MAGI3: variants seen among roughly 807,000 people sequenced by gnomAD.
The protein encoded by MAGI3 is membrane-associated guanylate kinase, WW and PDZ domain-containing protein 3.
MAGI3 carries 43 observed loss-of-function variants against 121.8 expected under a neutral mutation model. That is an observed-to-expected ratio of 0.35 (90% CI 0.28 to 0.46). The LOEUF is 0.46. MAGI3 is among the 20% of genes least tolerant of loss of function. The probability of loss-of-function intolerance (pLI) is 1.00; values close to 1 mark genes in which losing one functional copy is unlikely to be tolerated. For missense variants in MAGI3, 1,547 were observed against 1,797.3 expected (o/e 0.86, Z 2.52); for synonymous variants, 553 against 639.3 (o/e 0.86, Z 2.04).
intron 5 of MAGI3, 144 bp downstream of exon 5, chr1:113,590,802 C>A (rs1648653394): frequency 1.4e-6 from 1 of 725,550 alleles, no homozygotes; most frequent in East Asian, 2.8e-5. Context: ...ATAAAACTGA[C>A]AGTTGATTTT....
chr1:113,450,225 G>A, intron 1 of MAGI3: 2 of 1,594,274 alleles, frequency 1.3e-6, no homozygotes, highest in Admixed American at 3.3e-5. Flanking sequence ...ATTGTGAAGT[G>A]AAAAAGGCCC....
intron 1 of MAGI3, among the ~76,000 whole-genome samples, chr1:113,408,729 A>G (rs1287718547): frequency 6.6e-6 from 1 of 152,078 alleles, no homozygotes. Context: ...ATATCCTCCA[A>G]CAACTCTCTC....
At chr1:113,615,232 G>C (rs953735951) in intron 7 of MAGI3, among the ~76,000 whole-genome samples, 1 of 152,100 alleles carries the variant, frequency 6.6e-6, no homozygotes, top group Non-Finnish European at 1.5e-5. Context: ...ATGTTAGCCA[G>C]AGAAATTAAG....
rs990948691 is a variant in MAGI3, at chr1:113,616,200, G to T, written c.1076+1542G>T. Among the ~76,000 whole-genome samples the T allele has an allele frequency of 2.6e-5, 4 of 152,284 alleles. No individual in the cohort carries two copies. In the South Asian group the frequency reaches 8.3e-4, roughly 32 times the overall value. On this transcript the variant is annotated intron_variant, in intron 7 of 20. Transcript: ENST00000307546. Reference sequence around the variant, plus strand: ...CGACCTGCTCCTAGTTGTCAGGGAGGTACATGAAATAGCCTGAATTAGAAG... The same window carrying T: ...CGACCTGCTCCTAGTTGTCAGGGAGTTACATGAAATAGCCTGAATTAGAAG...
intron 10 of MAGI3, 101 bp from the exon 11 acceptor site, chr1:113,643,642 C>A: frequency 9.7e-7 from 1 of 1,031,530 alleles, no homozygotes; most frequent in Non-Finnish European, 1.5e-6. Flanking sequence ...AATTTACTAG[C>A]GTACTAAAAG....
chr1:113,436,811 CTTTTTT>C (rs1026496354), intron 1 of MAGI3, among the ~76,000 whole-genome samples: 1 of 124,130 alleles, frequency 8.1e-6, no homozygotes. Flanking sequence ...TAAAGACAGT[CTTTTTT>C]TTTTTTTTTT....
chr1:113,396,746 A>G (rs1396806815), intron 1 of MAGI3, among the ~76,000 whole-genome samples: 3 of 152,216 alleles, frequency 2.0e-5, no homozygotes, highest in African/African-American at 4.8e-5. Flanking sequence ...GCATGGAGCT[A>G]GCACTGGCGA....
At chr1:113,680,207 G>C (rs1024699745) in intron 19 of MAGI3, among the ~76,000 whole-genome samples, 1 of 152,172 alleles carries the variant, frequency 6.6e-6, no homozygotes, top group South Asian at 2.1e-4. Flanking sequence ...GCCAGGAAAG[G>C]CTTCAAAGAT....
At chr1:113,425,996 T>C (rs1652990843) in intron 1 of MAGI3, among the ~76,000 whole-genome samples, 2 of 152,202 alleles carry the variant, frequency 1.3e-5, no homozygotes, top group African/African-American at 4.8e-5. Flanking sequence ...TAATAACTTA[T>C]TGATTTGAAA....
intron 1 of MAGI3, among the ~76,000 whole-genome samples, chr1:113,485,699 C>T (rs542502217): frequency 5.3e-5 from 8 of 152,178 alleles, no homozygotes; most frequent in South Asian, 2.1e-4. Flanking sequence ...TTGTTTTTGT[C>T]GCATTTGCTT....
rs1399211745 is a variant in MAGI3 at position 113,683,234 on chromosome 1, TA to T, written c.3667del (p.Ser1223ValfsTer21). The stretch of plus-strand genomic sequence containing the variant: ...GTGTTACACGAAGAGGTAGATCGGT[TA>T]GTCCCAAAAAGCCAGCCAGTCAACA... ...NGVTRRGRSV[S>X]PKKPASQHSE... On this transcript the variant is annotated frameshift_variant, in exon 21 of 21. Coordinates refer to ENST00000307546, the MANE Select transcript of MAGI3 (RefSeq NM_001142782.2). LOFTEE classifies it low-confidence loss of function (END_TRUNC). The T allele has an allele frequency of 1.2e-6, 2 of 1,613,646 alleles. No homozygotes were observed. Among genetic ancestry groups the T allele is most frequent in the East Asian group, 4.5e-5 (2 of 44,890 alleles).
At chr1:113,536,361 C>A (rs1658997896) in intron 1 of MAGI3, among the ~76,000 whole-genome samples, 2 of 152,092 alleles carry the variant, frequency 1.3e-5, no homozygotes, top group South Asian at 4.1e-4. Context: ...ATCATCTCCT[C>A]CTCCCTTCCA....
chr1:113,596,208 T>C lies in MAGI3; in HGVS notation c.1018+1648T>C, dbSNP rs538202568. 5.3e-5 allele frequency among the ~76,000 whole-genome samples: 8 copies of C among 152,100 alleles called. No individual in the cohort carries two copies. In the South Asian group the frequency reaches 1.7e-3, roughly 32 times the overall value. ...TGGTATTGGCATAAGGATAGATAAATAGATCAGTGGAACAAAATAGAGAGT... is the reference window on the plus strand; with the variant it reads ...TGGTATTGGCATAAGGATAGATAAACAGATCAGTGGAACAAAATAGAGAGT... On this transcript the variant is annotated intron_variant, in intron 6 of 20. Transcript: ENST00000307546.
chr1:113,585,804 A>G (rs1019127638), intron 4 of MAGI3, among the ~76,000 whole-genome samples: 1 of 152,232 alleles, frequency 6.6e-6, no homozygotes, highest in Non-Finnish European at 1.5e-5. Context: ...GGATAAATCA[A>G]TGATAAACTA....
intron 9 of MAGI3, among the ~76,000 whole-genome samples, chr1:113,631,865 A>G (rs1166136377): frequency 1.3e-5 from 2 of 152,214 alleles, no homozygotes; most frequent in African/African-American, 2.4e-5. Flanking sequence ...TAATTGCTGG[A>G]TATTTTAATA....
At chr1:113,511,626 C>G (rs1209329998) in intron 1 of MAGI3, among the ~76,000 whole-genome samples, 1 of 152,196 alleles carries the variant, frequency 6.6e-6, no homozygotes, top group Non-Finnish European at 1.5e-5. Context: ...ACTTGATTGG[C>G]TAAGGTTTAA....
rs1557744218 is a variant in MAGI3, at chr1:113,416,217, G to GTGTAATTAATGACACATATTAATTA, written c.316+24879_316+24903dup. Among the ~76,000 whole-genome samples, 39 of 42,000 alleles carry GTGTAATTAATGACACATATTAATTA rather than the reference G, an allele frequency of 9.3e-4. 10 individuals carry two copies. The highest frequency in any genetic ancestry group is 1.4e-3 in the Non-Finnish European group (35 of 24,270). The allele number at this position is 42,000 out of a possible 152,430, so 27.6% of individuals were successfully genotyped here. On this transcript the variant is annotated intron_variant, in intron 1 of 20. Transcript: ENST00000307546. ...TGTAATTAATGACACATATTATTAT[G>GTGTAATTAATGACACATATTAATTA]TGTAATTAATGACACATATTAATTA...
chr1:113,399,959 C>T (rs995563090), intron 1 of MAGI3, among the ~76,000 whole-genome samples: 21 of 152,180 alleles, frequency 1.4e-4, no homozygotes, highest in African/African-American at 4.8e-4. Flanking sequence ...TTTCTGAGGG[C>T]TCCCTAATAA....
At chr1:113,518,525 A>G (rs1658035366) in intron 1 of MAGI3, among the ~76,000 whole-genome samples, 1 of 152,050 alleles carries the variant, frequency 6.6e-6, no homozygotes, top group Non-Finnish European at 1.5e-5. Context: ...TCTTTAATGT[A>G]GATGTTTGAT....
Sources: gnomAD v4.1 joint callset for allele counts (sites outside exome capture counted in the v4.1 genomes callset) on GRCh38, gnomAD v4.1.1 for gene constraint, MANE v1.5 for transcripts, NCBI Gene and HGNC (gene_info 2026-07-23, HGNC 2026-07-21) for gene names.